The following ADGRL2 variants were observed in gnomAD, a reference collection of about 807,000 sequenced individuals.
ADGRL2 encodes the protein calcium-independent alpha-latrotoxin receptor 2.
Under a neutral mutation model 157.4 loss-of-function variants are expected in ADGRL2, and 44 were observed. The ratio of observed to expected loss-of-function variants is 0.28; its 90% CI spans 0.22 to 0.36. ADGRL2 has a LOEUF of 0.36. Among genes scored for constraint, ADGRL2 ranks in the 10% least tolerant of loss-of-function variants. ADGRL2 has a pLI of 1.00. For missense variants in ADGRL2, 1,510 were observed against 1,768.9 expected, an observed-to-expected ratio of 0.85 and a Z score of 2.63; for synonymous variants, 585 against 624.7, an observed-to-expected ratio of 0.94 and a Z score of 0.95.
chr1:81,920,531 C>T (rs2094953902), intron 3 of ADGRL2, among the ~76,000 whole-genome samples: 2 of 152,098 alleles, frequency 1.3e-5, no homozygotes, highest in Non-Finnish European at 2.9e-5. Flanking sequence ...AGAGGCAGCC[C>T]CCAGTGAATC....
chr1:81,437,679 T>C (rs923668629), intron 1 of ADGRL2, among the ~76,000 whole-genome samples: 3 of 152,174 alleles, frequency 2.0e-5, no homozygotes, highest in Non-Finnish European at 4.4e-5. Flanking sequence ...AATATTATGA[T>C]TGTCCCTTCT....
rs138496730 is a variant in ADGRL2, at chr1:81,333,454, C to T, written c.-302+26945C>T. On this transcript the variant is annotated intron_variant, in intron 1 of 24. Coordinates refer to the ADGRL2 transcript ENST00000370721. ...TTTTTGAGACGGAGTCTCACTCTATCGCCCAGGCTGGAGTGCAGTGGCACC... is the reference window on the plus strand; with the variant it reads ...TTTTTGAGACGGAGTCTCACTCTATTGCCCAGGCTGGAGTGCAGTGGCACC... Among the ~76,000 whole-genome samples, 717 of 152,148 alleles carry T rather than the reference C, an allele frequency of 4.7e-3. 8 individuals are homozygous for T. Among genetic ancestry groups the T allele is most frequent in the African/African-American group, 0.016 (645 of 41,532 alleles).
At chr1:81,501,947 A>T in intron 2 of ADGRL2, 1 of 1,613,874 alleles carries the variant, frequency 6.2e-7, no homozygotes, top group African/African-American at 1.3e-5. Flanking sequence ...CTTTTCCGCC[A>T]CAGCTGGGAG....
chr1:81,643,509 A>G (rs1002847137), intron 3 of ADGRL2, among the ~76,000 whole-genome samples: 2 of 151,992 alleles, frequency 1.3e-5, no homozygotes, highest in African/African-American at 4.8e-5. Context: ...GGGTCTCACT[A>G]TGTTGCCCAG....
intron 3 of ADGRL2, among the ~76,000 whole-genome samples, chr1:81,620,350 G>T (rs748074294): frequency 6.6e-6 from 1 of 152,182 alleles, no homozygotes; most frequent in Non-Finnish European, 1.5e-5. Flanking sequence ...TGTACAACTA[G>T]CATATGAAGT....
chr1:81,765,046 T>C (rs1459253328), intron 2 of ADGRL2, among the ~76,000 whole-genome samples: 1 of 152,054 alleles, frequency 6.6e-6, no homozygotes, highest in East Asian at 1.9e-4. Flanking sequence ...ATTCCTTCTA[T>C]ATTACTATTT....
At position 81,993,083 on chromosome 1, in the gene ADGRL2, ATATATTTTTTTTTTTTTT is replaced by A. The variant is rs1362642980; in HGVS notation, c.*1940_*1957del. Reference sequence around the variant, plus strand: ...CATATATATATATATATATATATATATATATTTTTTTTTTTTTTTTTTTTTTTTTTTTTTTTGGGACAG... The same window carrying A: ...CATATATATATATATATATATATATATTTTTTTTTTTTTTTTTTGGGACAG... On this transcript the variant is annotated 3_prime_UTR_variant, in exon 24 of 24. Transcript: ENST00000686636. Among the ~76,000 whole-genome samples the A allele has an allele frequency of 3.2e-4, 10 of 31,080 alleles. No homozygotes were observed. Among genetic ancestry groups the A allele is most frequent in the Non-Finnish European group, 4.7e-4 (9 of 19,232 alleles). The allele number at this position is 31,080 out of a possible 152,430, so 20.4% of individuals were successfully genotyped here. A position where few individuals can be genotyped will look rare whatever the true frequency, so the allele number is the denominator to read the frequency against.
intron 3 of ADGRL2, among the ~76,000 whole-genome samples, chr1:81,920,420 G>C (rs2094951150): frequency 1.3e-5 from 2 of 152,076 alleles, no homozygotes; most frequent in Admixed American, 1.3e-4. Flanking sequence ...ATCAGGCACT[G>C]TTTCTCCCAG....
intron 3 of ADGRL2, among the ~76,000 whole-genome samples, chr1:81,608,310 C>T (rs1255218219): frequency 3.9e-5 from 6 of 152,150 alleles, no homozygotes; most frequent in Non-Finnish European, 7.4e-5. Flanking sequence ...CAGATGCTCT[C>T]CATGCATGAG....
intron 2 of ADGRL2, among the ~76,000 whole-genome samples, chr1:81,517,084 CA>C (rs932763376): frequency 6.6e-6 from 1 of 151,642 alleles, no homozygotes; most frequent in African/African-American, 2.4e-5. Flanking sequence ...CAAGTAACAA[CA>C]AAAAAAGAGT....
chr1:81,441,899 G>A (rs1289536764), intron 1 of ADGRL2, among the ~76,000 whole-genome samples: 2 of 152,024 alleles, frequency 1.3e-5, no homozygotes, highest in Non-Finnish European at 2.9e-5. Context: ...GCGTGTGGTG[G>A]TGCGATCATA....
At position 81,969,367 on chromosome 1, in the gene ADGRL2, A is replaced by G. The variant is rs747034256; in HGVS notation, c.2713A>G (p.Ile905Val). The change falls in exon 15 of 24, where the codon ATT becomes GTT. Residue 905 changes from isoleucine to valine, a missense_variant. Coordinates refer to ENST00000686636, the MANE Select transcript of ADGRL2 (RefSeq NM_001366006.2). The stretch of plus-strand genomic sequence containing the variant: ...TGCTGAATTTATTTTCCTAATAGGC[A>G]TTGATAAGACAAAATATGCGGTAAG... ...FIAEFIFLIG[I>V]DKTKYAIACP... The G allele has an allele frequency of 2.5e-6, 4 of 1,613,278 alleles. No homozygotes were observed. Among genetic ancestry groups the G allele is most frequent in the Non-Finnish European group, 2.5e-6 (3 of 1,179,408 alleles).
chr1:81,490,982 A>G (rs1197343857), intron 2 of ADGRL2, among the ~76,000 whole-genome samples: 1 of 152,224 alleles, frequency 6.6e-6, no homozygotes, highest in Non-Finnish European at 1.5e-5. Flanking sequence ...TGTTATGAGA[A>G]TCTGACCTGT....
intron 1 of ADGRL2, among the ~76,000 whole-genome samples, chr1:81,808,839 C>T (rs898964952): frequency 6.6e-6 from 1 of 151,996 alleles, no homozygotes; most frequent in Non-Finnish European, 1.5e-5. Flanking sequence ...AATTCTGGCA[C>T]CCAGATTTAC....
intron 2 of ADGRL2, chr1:81,503,573 T>C: frequency 1.5e-6 from 2 of 1,334,832 alleles, no homozygotes; most frequent in South Asian, 1.3e-5. Flanking sequence ...ACGAGCACCA[T>C]TTGGCCAGAC....
At chr1:81,508,672 A>G (rs2079022590) in intron 2 of ADGRL2, among the ~76,000 whole-genome samples, 1 of 152,224 alleles carries the variant, frequency 6.6e-6, no homozygotes, top group Admixed American at 6.5e-5. Flanking sequence ...AGCCCTATGC[A>G]TAGGGTATGC....
At chr1:81,798,453 T>C (rs2087703494), upstream of ADGRL2, among the ~76,000 whole-genome samples, 2 of 152,184 alleles carry the variant, frequency 1.3e-5, no homozygotes, top group African/African-American at 4.8e-5. Flanking sequence ...TATTCTTAAA[T>C]GTAATTTTAA....
intron 2 of ADGRL2, among the ~76,000 whole-genome samples, chr1:81,529,196 G>A (rs2079543490): frequency 6.6e-6 from 1 of 152,184 alleles, no homozygotes; most frequent in African/African-American, 2.4e-5. Context: ...GGAAGTAGGA[G>A]CTGTGACCCC....
At chr1:81,337,694 C>T (rs11163254) in intron 1 of ADGRL2, among the ~76,000 whole-genome samples, 55,630 of 151,980 alleles carry the variant, frequency 0.37, 10,563 homozygotes, top group African/African-American at 0.44. Context: ...TTTTGAAGAC[C>T]TCCATTGGTC....
Sources: gnomAD v4.1 joint callset for allele counts (sites outside exome capture counted in the v4.1 genomes callset) on GRCh38, gnomAD v4.1.1 for gene constraint, MANE v1.5 for transcripts, NCBI Gene and HGNC (gene_info 2026-07-23, HGNC 2026-07-21) for gene names.